AKAP13: variants seen among roughly 807,000 people sequenced by gnomAD.
AKAP13 encodes A-kinase anchoring protein 13.
A neutral mutation model predicts 264.5 loss-of-function variants in AKAP13; 80 were observed. That is an observed-to-expected ratio of 0.30 (90% confidence interval 0.25 to 0.36). The LOEUF is 0.36. Ranked by LOEUF, AKAP13 falls within the 10% of genes least tolerant of loss-of-function variation. The probability of loss-of-function intolerance (pLI) is 1.00; values close to 1 mark genes in which losing one functional copy is unlikely to be tolerated. For missense variants in AKAP13, 3,712 were observed against 3,435.2 expected, an observed-to-expected ratio of 1.08 and a Z score of -2.01; for synonymous variants, 1,380 against 1,250.2, an observed-to-expected ratio of 1.10 and a Z score of -2.19.
chr15:85,526,256 CTCT>C (rs141081335), intron 3 of AKAP13, among the ~76,000 whole-genome samples: 2,072 of 152,208 alleles, frequency 0.014, 47 homozygotes, highest in African/African-American at 0.044. Context: ...TTTTCTTTCT[CTCT>C]TTTTTTTTGT....
At chr15:85,630,221 G>T (rs60287938) in intron 8 of AKAP13, among the ~76,000 whole-genome samples, 2 of 48,038 alleles carry the variant, frequency 4.2e-5, no homozygotes, top group African/African-American at 6.8e-5. Flanking sequence ...CATGAACTAA[G>T]ATGGAAAATT....
intron 19 of AKAP13, among the ~76,000 whole-genome samples, chr15:85,715,565 G>A (rs1422747793): frequency 2.6e-5 from 4 of 151,492 alleles, no homozygotes; most frequent in East Asian, 1.9e-4. Context: ...ACTGTAAAGC[G>A]CCTTACTTCT....
intron 2 of AKAP13, among the ~76,000 whole-genome samples, chr15:85,521,063 C>T (rs1020384990): frequency 2.0e-5 from 3 of 152,212 alleles, no homozygotes; most frequent in African/African-American, 7.2e-5. Flanking sequence ...ATACCCCCTC[C>T]ATCCTCTCTG....
At chr15:85,573,153 A>T (rs1163275371) in intron 5 of AKAP13, among the ~76,000 whole-genome samples, 2 of 152,234 alleles carry the variant, frequency 1.3e-5, no homozygotes, top group Non-Finnish European at 2.9e-5. Context: ...GTGGCTAGAT[A>T]GCATGTCTGT....
At chr15:85,657,335 G>A (rs753776455) in intron 11 of AKAP13, among the ~76,000 whole-genome samples, 4 of 152,134 alleles carry the variant, frequency 2.6e-5, no homozygotes, top group African/African-American at 7.2e-5. Context: ...TCTGGAGATA[G>A]GTAAACAAGA....
chr15:85,720,134 C>T lies in AKAP13; in HGVS notation c.6252+808C>T, dbSNP rs116618496. ...TTGTGGTCCCAACCACTCAGGAGCC[C>T]GAGGTGGGAGGATCACTTGAGCCTA... On this transcript the variant is annotated intron_variant, in intron 23 of 36. Coordinates refer to ENST00000394518, the MANE Select transcript of AKAP13 (RefSeq NM_007200.5). Among the ~76,000 whole-genome samples, 432 of 151,684 alleles carry T rather than the reference C, an allele frequency of 2.8e-3. 4 individuals are homozygous for T. Among genetic ancestry groups the T allele is most frequent in the African/African-American group, 0.01 (416 of 41,346 alleles).
intron 36 of AKAP13, chr15:85,744,155 G>A (rs1010818309): frequency 3.0e-6 from 1 of 335,196 alleles, no homozygotes; most frequent in Non-Finnish European, 5.5e-6. Context: ...GTAACAGCTA[G>A]CATTTGGTGA....
chr15:85,696,051 A>T (rs1157133785), intron 17 of AKAP13, among the ~76,000 whole-genome samples: 3 of 152,228 alleles, frequency 2.0e-5, no homozygotes, highest in Non-Finnish European at 2.9e-5. Flanking sequence ...TACATACATA[A>T]CATAAAAATT....
At position 85,684,844 on chromosome 15, in the gene AKAP13, A is replaced by C; in HGVS notation, c.5260A>C (p.Asn1754His). ...KVSRTFSYIK[N>H]KMSSSKKSKE... ...CAGTCGTACATTCAGCTACATCAAG[A>C]ATAAAATGTCTAGCAGCAAGAAGAG... Residue 1754 changes from asparagine (N) to histidine (H), a missense_variant, in exon 16 of 37, where the codon AAT (asparagine) becomes CAT (histidine). This residue lies in a region of AKAP13 where 2,759 missense variants were observed against 2,411.7 expected (regional missense o/e 1.14). Coordinates refer to ENST00000394518, the MANE Select transcript of AKAP13 (RefSeq NM_007200.5). 4 of 1,613,966 alleles carry C rather than the reference A, an allele frequency of 2.5e-6. No individual in the cohort carries two copies. The highest frequency in any genetic ancestry group is 3.4e-6 in the Non-Finnish European group (4 of 1,180,008).
intron 5 of AKAP13, among the ~76,000 whole-genome samples, chr15:85,560,332 G>C (rs142702393): frequency 1.3e-5 from 2 of 151,782 alleles, no homozygotes; most frequent in Non-Finnish European, 1.5e-5. Context: ...TGCAAAGAGT[G>C]GGGGTGGTCT....
intron 19 of AKAP13, among the ~76,000 whole-genome samples, chr15:85,712,867 G>A (rs973280754): frequency 6.6e-6 from 1 of 152,100 alleles, no homozygotes; most frequent in Non-Finnish European, 1.5e-5. Context: ...TCTTATTCCT[G>A]TTGTACTCCA....
intron 1 of AKAP13, chr15:85,415,221 C>T: frequency 1.3e-6 from 2 of 1,543,424 alleles, no homozygotes; most frequent in South Asian, 1.2e-5. Flanking sequence ...CTCGCCCGCA[C>T]CCCTCATGGC....
chr15:85,605,706 A>G (rs2080293584), intron 8 of AKAP13, among the ~76,000 whole-genome samples: 1 of 152,236 alleles, frequency 6.6e-6, no homozygotes, highest in African/African-American at 2.4e-5. Context: ...AAAAATCAAT[A>G]TGTATTTAGA....
chr15:85,647,475 C>T (rs2082608460), intron 10 of AKAP13, among the ~76,000 whole-genome samples: 1 of 151,336 alleles, frequency 6.6e-6, no homozygotes, highest in South Asian at 2.1e-4. Context: ...ATATCAGTGC[C>T]TCTGTGAATG....
chr15:85,541,918 C>T (rs542411833), intron 4 of AKAP13, among the ~76,000 whole-genome samples: 15 of 152,258 alleles, frequency 9.9e-5, no homozygotes, highest in South Asian at 2.1e-4. Context: ...TCTGAGCAGG[C>T]GTGTGGCTGT....
chr15:85,398,408 T>C (rs2071226110), intron 1 of AKAP13, among the ~76,000 whole-genome samples: 2 of 152,222 alleles, frequency 1.3e-5, no homozygotes, highest in Admixed American at 1.3e-4. Flanking sequence ...GTATAATTTT[T>C]CTTTCCAAAC....
At chr15:85,539,976 T>C (rs2077529338) in intron 4 of AKAP13, among the ~76,000 whole-genome samples, 2 of 152,178 alleles carry the variant, frequency 1.3e-5, no homozygotes, top group Admixed American at 1.3e-4. Flanking sequence ...AGGTTTATTA[T>C]GAAATTAGAG....
At chr15:85,440,488 T>TAGG (rs1555429690) in intron 1 of AKAP13, among the ~76,000 whole-genome samples, 1 of 152,206 alleles carries the variant, frequency 6.6e-6, no homozygotes, top group Non-Finnish European at 1.5e-5. Flanking sequence ...TGCAAAATCT[T>TAGG]AAACAGGCCG....
At chr15:85,409,649 CAG>C (rs1238481215) in intron 1 of AKAP13, among the ~76,000 whole-genome samples, 1 of 126,486 alleles carries the variant, frequency 7.9e-6, no homozygotes, top group African/African-American at 3.2e-5. Flanking sequence ...TTTTTTGAGA[CAG>C]AGTCTCGCTT....
Sources: allele counts gnomAD v4.1 joint callset (sites outside exome capture counted in the v4.1 genomes callset), GRCh38; gene constraint gnomAD v4.1.1; regional missense constraint gnomAD v4.1.1; transcripts MANE v1.5; gene names NCBI Gene and HGNC (gene_info 2026-07-23, HGNC 2026-07-21).